The following COL6A5 variants were observed in gnomAD, a reference collection of about 807,000 sequenced individuals.
The protein encoded by COL6A5 is collagen type VI alpha 5 chain, also known as collagen alpha-5(VI) chain.
A neutral mutation model predicts 65.6 loss-of-function variants in COL6A5; 48 were observed. That is an observed-to-expected ratio of 0.73 (90% CI 0.58 to 0.93). The LOEUF (loss-of-function observed/expected upper bound fraction) is 0.93. Among genes scored for constraint, COL6A5 ranks in the 40% least tolerant of loss-of-function variants. COL6A5 has a pLI of 0.00. For missense variants in COL6A5, 914 were observed against 928.3 expected, an observed-to-expected ratio of 0.98 and a Z score of 0.20; for synonymous variants, 291 against 322.8, an observed-to-expected ratio of 0.90 and a Z score of 1.05.
At position 130,397,915 on chromosome 3, in the gene COL6A5, CG is replaced by C. The variant is rs781281459; in HGVS notation, c.3905del (p.Gly1302AlafsTer17). 4.5e-5 allele frequency: 69 copies of C among 1,550,302 alleles called. No individual in the cohort carries two copies. In the South Asian group the frequency reaches 8.2e-4, roughly 18 times the overall value. ...CACATTTAAGGATAAATCTGCATCC[CG>C]GGGCCAGGTATCCATATTACATTCT... On this transcript the variant is annotated frameshift_variant and NMD_transcript_variant, in exon 9 of 42. Coordinates refer to the COL6A5 transcript ENST00000312481.
exon 7 of COL6A5, chr3:130,391,272 C>A (rs1249098736): frequency 4.5e-6 from 7 of 1,551,400 alleles, no homozygotes; most frequent in Non-Finnish European, 6.1e-6. Context: ...ATTAACCTAA[C>A]TATCCATTTG....
At position 130,471,075 on chromosome 3, in the gene COL6A5, TG is replaced by T. The variant is rs1262647701; in HGVS notation, c.2328+109del. The stretch of plus-strand genomic sequence containing the variant: ...TTTTCAAGATCCAAGTGTGTGTTTT[TG>T]TGTGTGTGTGTGTGTGTGTGTGTGT... On this transcript the variant is annotated intron_variant, in intron 7 of 7. Transcript: ENST00000512836. 0.015 allele frequency: 5,819 copies of T among 381,478 alleles called. 247 individuals are homozygous for T. The African/African-American group carries it at 0.2, about 13-fold the overall frequency. The allele number at this position is 381,478 out of a possible 1,614,324, so 23.6% of individuals were successfully genotyped here. A position where few individuals can be genotyped will look rare whatever the true frequency, so the allele number is the denominator to read the frequency against.
chr3:130,388,831 A>G (rs1362617022), exon 6 of COL6A5: 6 of 1,551,312 alleles, frequency 3.9e-6, no homozygotes, highest in Non-Finnish European at 5.2e-6. Flanking sequence ...CAATGAAGGC[A>G]CTTTAACTGG....
chr3:130,410,303 A>G (rs1937133658), intron 19 of COL6A5, among the ~76,000 whole-genome samples, 168 bp from the exon 20 acceptor site: 1 of 152,164 alleles, frequency 6.6e-6, no homozygotes, highest in African/African-American at 2.4e-5. Context: ...GAATGTTGCT[A>G]TACTTTTTTC....
chr3:130,354,883 A>T (rs190440417), intron 1 of COL6A5, among the ~76,000 whole-genome samples: 66 of 152,334 alleles, frequency 4.3e-4, no homozygotes, highest in African/African-American at 1.5e-3. Context: ...AAATGTAGCT[A>T]GACTGAGTTG....
At chr3:130,454,444 G>A (rs867046198) in intron 4 of COL6A5, among the ~76,000 whole-genome samples, 2 of 152,120 alleles carry the variant, frequency 1.3e-5, no homozygotes, top group Non-Finnish European at 2.9e-5. Context: ...TATTATTTAT[G>A]TATTACATCT....
At position 130,444,675 on chromosome 3, in the gene COL6A5, G is replaced by C. The variant is rs1382397215; in HGVS notation, c.1332+1109G>C. The stretch of plus-strand genomic sequence containing the variant: ...ACACTAAAAACAAGCCGATTAAACA[G>C]AGAAACATAATTCCAAAATTTACTA... On this transcript the variant is annotated intron_variant, in intron 4 of 7. Coordinates refer to ENST00000512836, the Ensembl canonical transcript of COL6A5. 2.0e-5 allele frequency among the ~76,000 whole-genome samples: 3 copies of C among 152,228 alleles called. No homozygotes were observed. The East Asian group carries it at 5.8e-4, about 30-fold the overall frequency.
chr3:130,434,224 G>T (rs1937948187), intron 1 of COL6A5, among the ~76,000 whole-genome samples: 1 of 152,174 alleles, frequency 6.6e-6, no homozygotes, highest in South Asian at 2.1e-4. Flanking sequence ...TGCTGGGGAT[G>T]ATGGCTTCCA....
intron 7 of COL6A5, chr3:130,477,027 C>T (rs1413976453): frequency 6.6e-6 from 9 of 1,355,476 alleles, no homozygotes; most frequent in Non-Finnish European, 9.2e-6. Context: ...TGTACTTTGT[C>T]TTTTTGCAGA....
chr3:130,473,218 A>G (rs1710004496), intron 7 of COL6A5, among the ~76,000 whole-genome samples: 2 of 152,094 alleles, frequency 1.3e-5, no homozygotes, highest in South Asian at 4.2e-4. Context: ...AAAAGCAACT[A>G]CCTGAGGGCT....
At chr3:130,368,381 A>G (rs1559861176) in intron 1 of COL6A5, among the ~76,000 whole-genome samples, 1 of 152,202 alleles carries the variant, frequency 6.6e-6, no homozygotes, top group Non-Finnish European at 1.5e-5. Context: ...TCACTTCCTC[A>G]GTAATTAACT....
chr3:130,399,121 A>T (rs796610693), intron 10 of COL6A5, among the ~76,000 whole-genome samples: 16 of 152,320 alleles, frequency 1.1e-4, no homozygotes, highest in African/African-American at 3.8e-4. Flanking sequence ...TTAATTGTCA[A>T]ATGAGATGCA....
At chr3:130,440,130 G>A in intron 2 of COL6A5, 36 bp from the exon 35 acceptor site, 1 of 1,559,794 alleles carries the variant, frequency 6.4e-7, no homozygotes, top group South Asian at 1.2e-5. Context: ...TTGGGTCAGT[G>A]TTGAACCAAT....
chr3:130,362,232 G>A (rs1396881513), intron 1 of COL6A5, among the ~76,000 whole-genome samples: 2 of 125,528 alleles, frequency 1.6e-5, no homozygotes, highest in Non-Finnish European at 3.3e-5. Context: ...GATAATTTTT[G>A]GGAAGGGTGT....
intron 17 of COL6A5, among the ~76,000 whole-genome samples, chr3:130,407,906 A>G (rs1937046464): frequency 6.6e-6 from 1 of 152,200 alleles, no homozygotes; most frequent in African/African-American, 2.4e-5. Flanking sequence ...GATTTCATGG[A>G]CATTTATCAC....
At chr3:130,370,700 A>G (rs1277247755) in intron 1 of COL6A5, among the ~76,000 whole-genome samples, 1 of 152,236 alleles carries the variant, frequency 6.6e-6, no homozygotes, top group African/African-American at 2.4e-5. Context: ...AAATAGTGAG[A>G]CATACTATGT....
intron 1 of COL6A5, among the ~76,000 whole-genome samples, chr3:130,347,285 C>G (rs537110208): frequency 4.6e-5 from 7 of 151,838 alleles, no homozygotes; most frequent in Non-Finnish European, 8.8e-5. Context: ...CCCGGAGGAC[C>G]CTGTGTGGTT....
At chr3:130,360,776 T>C (rs978590931) in intron 1 of COL6A5, among the ~76,000 whole-genome samples, 1 of 152,130 alleles carries the variant, frequency 6.6e-6, no homozygotes, top group Non-Finnish European at 1.5e-5. Context: ...TCATCCAAAC[T>C]GTGCACTTAA....
rs1292377010 is a variant in COL6A5, at chr3:130,362,310, ATATATATATATATATATTTTTTTTT to A, written c.-28-11299_-28-11275del. ...TCTCCATATATATATATATATATATATATATATATATATATATTTTTTTTTTTTTTTTTTTTTGCATGTGGATGTC... is the reference window on the plus strand; with the variant it reads ...TCTCCATATATATATATATATATATATTTTTTTTTTTTGCATGTGGATGTC... On this transcript the variant is annotated intron_variant and NMD_transcript_variant, in intron 1 of 41. Transcript: ENST00000312481. 2.0e-3 allele frequency among the ~76,000 whole-genome samples: 151 copies of A among 76,754 alleles called. 6 individuals carry two copies. The highest frequency in any genetic ancestry group is 8.4e-3 in the African/African-American group (112 of 13,302). 50.4% of individuals were successfully genotyped at this position (76,754 alleles called of 152,430 possible). A position where few individuals can be genotyped will look rare whatever the true frequency, so the allele number is the denominator to read the frequency against.
Sources: allele counts gnomAD v4.1 joint callset (sites outside exome capture counted in the v4.1 genomes callset), GRCh38; gene constraint gnomAD v4.1.1; transcripts MANE v1.5; gene names NCBI Gene and HGNC (gene_info 2026-07-23, HGNC 2026-07-21).